The following NXNL2 variants were observed in gnomAD, a reference collection of about 807,000 sequenced individuals.
The protein encoded by NXNL2 is nucleoredoxin-like protein 2.
A neutral mutation model predicts 11.1 loss-of-function variants in NXNL2; 7 were observed. That is an observed-to-expected ratio of 0.63 (90% confidence interval 0.36 to 1.18). The LOEUF (loss-of-function observed/expected upper bound fraction) is 1.18, where lower values mean the gene tolerates loss of function less well. Among genes scored for constraint, NXNL2 ranks in the 50% most tolerant of loss-of-function variants. The pLI, the probability that NXNL2 is intolerant of heterozygous loss-of-function variation, is 0.02. For missense variants in NXNL2, 233 were observed against 217.7 expected (o/e 1.07, Z -0.44); for synonymous variants, 109 against 101.8 (o/e 1.07, Z -0.42).
chr9:88,538,698 A>G (rs952263932), intron 1 of NXNL2, among the ~76,000 whole-genome samples: 25 of 152,348 alleles, frequency 1.6e-4, no homozygotes, highest in African/African-American at 6.0e-4. Flanking sequence ...GCCAGGGGCC[A>G]CCAGATAGAT....
intron 1 of NXNL2, among the ~76,000 whole-genome samples, chr9:88,555,369 G>A (rs938869684): frequency 2.0e-5 from 3 of 152,036 alleles, no homozygotes; most frequent in Non-Finnish European, 4.4e-5. Flanking sequence ...GACCATATAG[G>A]GTAACTTCTG....
At chr9:88,549,796 G>C (rs1309679020), downstream of NXNL2, among the ~76,000 whole-genome samples, 2 of 152,188 alleles carry the variant, frequency 1.3e-5, no homozygotes, top group African/African-American at 2.4e-5. Flanking sequence ...TACATGCCCA[G>C]AGCAGGAGCA....
downstream of NXNL2, among the ~76,000 whole-genome samples, chr9:88,547,964 C>A (rs565090540): frequency 1.3e-5 from 2 of 150,982 alleles, no homozygotes; most frequent in African/African-American, 4.9e-5. Flanking sequence ...TGCAGTGAGC[C>A]GAGATCATAC....
At chr9:88,547,263 A>C (rs915903002), downstream of NXNL2, among the ~76,000 whole-genome samples, 4 of 152,238 alleles carry the variant, frequency 2.6e-5, no homozygotes, top group Admixed American at 6.5e-5. Context: ...TCCACAAGCC[A>C]TCAGGCCTGG....
intron 1 of NXNL2, chr9:88,570,962 C>G (rs1423863861): frequency 2.0e-5 from 6 of 304,444 alleles, no homozygotes; most frequent in Non-Finnish European, 3.8e-5. Context: ...AGGCTGGTCT[C>G]AAACTCCTGA....
At chr9:88,580,909 A>G (rs76597670) in intron 1 of NXNL2, among the ~76,000 whole-genome samples, 253 of 152,300 alleles carry the variant, frequency 1.7e-3, no homozygotes, top group Middle Eastern at 6.8e-3. Flanking sequence ...AGTACTGGCC[A>G]TGATTTTGTG....
intron 1 of NXNL2, among the ~76,000 whole-genome samples, chr9:88,560,596 C>G (rs1383186577): frequency 6.6e-6 from 1 of 152,042 alleles, no homozygotes; most frequent in Non-Finnish European, 1.5e-5. Flanking sequence ...CTTGGCTATG[C>G]CAGGTTCAAG....
intron 1 of NXNL2, among the ~76,000 whole-genome samples, chr9:88,581,058 G>C (rs758452072): frequency 6.6e-6 from 1 of 152,192 alleles, no homozygotes; most frequent in East Asian, 1.9e-4. Context: ...ATGCTAACCC[G>C]GCTCACCTGG....
At chr9:88,557,096 AAAAAAAAAG>A (rs1489507989) in intron 1 of NXNL2, among the ~76,000 whole-genome samples, 6 of 151,290 alleles carry the variant, frequency 4.0e-5, no homozygotes, top group African/African-American at 1.5e-4. Context: ...AAAAAAAAAA[AAAAAAAAAG>A]AAAGATGTTG....
intron 1 of NXNL2, among the ~76,000 whole-genome samples, chr9:88,569,733 C>G (rs922427273): frequency 2.6e-5 from 4 of 152,142 alleles, no homozygotes; most frequent in Non-Finnish European, 5.9e-5. Flanking sequence ...TCTTCTTTGA[C>G]TTATTAATAT....
intron 1 of NXNL2, among the ~76,000 whole-genome samples, chr9:88,564,277 TCTATCTATTATCTATCTATC>T (rs1830133605): frequency 8.0e-6 from 1 of 124,832 alleles, no homozygotes; most frequent in African/African-American, 3.0e-5. Flanking sequence ...TGTCTATCTA[TCTATCTATTATCTATCTATC>T]TATCTATCTA....
At chr9:88,540,902 C>T (rs528325382) in intron 1 of NXNL2, among the ~76,000 whole-genome samples, 1 of 145,086 alleles carries the variant, frequency 6.9e-6, no homozygotes, top group Non-Finnish European at 1.5e-5. Context: ...TATTCTTGTG[C>T]CTTCTCTCTT....
At chr9:88,538,020 TC>T (rs972149054) in intron 1 of NXNL2, among the ~76,000 whole-genome samples, 32 of 152,156 alleles carry the variant, frequency 2.1e-4, no homozygotes, top group African/African-American at 7.7e-4. Context: ...TCTTGGATTT[TC>T]CCCAAATGCT....
chr9:88,562,765 T>C (rs1203248924), intron 1 of NXNL2, among the ~76,000 whole-genome samples: 1 of 127,482 alleles, frequency 7.8e-6, no homozygotes, highest in African/African-American at 3.0e-5. Context: ...AAAAAAAAAA[T>C]TGTAGTGAGG....
chr9:88,564,548 C>G (rs1005831106), intron 1 of NXNL2, among the ~76,000 whole-genome samples: 1 of 152,082 alleles, frequency 6.6e-6, no homozygotes, highest in African/African-American at 2.4e-5. Context: ...TCTGATGTAG[C>G]TGGGATTACA....
intron 1 of NXNL2, among the ~76,000 whole-genome samples, chr9:88,564,795 A>G (rs1364910029): frequency 2.0e-5 from 3 of 152,298 alleles, no homozygotes; most frequent in Middle Eastern, 3.4e-3. Flanking sequence ...TCTGTCAACC[A>G]TCTGTCTATT....
chr9:88,540,850 C>T (rs892288316), intron 1 of NXNL2, among the ~76,000 whole-genome samples: 10 of 151,756 alleles, frequency 6.6e-5, no homozygotes, highest in African/African-American at 2.2e-4. Context: ...AGGTTCAGTC[C>T]ACACTGGGCC....
At chr9:88,583,002 G>A (rs4877453) in intron 1 of NXNL2, among the ~76,000 whole-genome samples, 24,572 of 152,144 alleles carry the variant, frequency 0.16, 3,104 homozygotes, top group East Asian at 0.71. Flanking sequence ...TACTAGTCTA[G>A]GAGTTGGTTG....
downstream of NXNL2, among the ~76,000 whole-genome samples, chr9:88,546,980 A>G (rs1158967650): frequency 6.6e-6 from 1 of 152,152 alleles, no homozygotes; most frequent in Non-Finnish European, 1.5e-5. Context: ...GTGTGTACAC[A>G]TTGCTTTTCA....
Sources: gnomAD v4.1 joint callset for allele counts (sites outside exome capture counted in the v4.1 genomes callset) on GRCh38, gnomAD v4.1.1 for gene constraint, MANE v1.5 for transcripts, NCBI Gene and HGNC (gene_info 2026-07-23, HGNC 2026-07-21) for gene names.